Variants in DCBLD2 observed in about 807,000 individuals in gnomAD.
The protein encoded by DCBLD2 is discoidin, CUB and LCCL domain containing 2.
Under a neutral mutation model 86.8 loss-of-function variants are expected in DCBLD2, and 54 were observed. The ratio of observed to expected loss-of-function variants is 0.62; its 90% CI spans 0.50 to 0.78. The LOEUF is 0.78. Ranked by LOEUF, DCBLD2 falls within the 30% of genes least tolerant of loss-of-function variation. The pLI is 0.00. For synonymous variants in DCBLD2, 354 were observed against 341.3 expected, an observed-to-expected ratio of 1.04 and a Z score of -0.41; for missense variants, 908 against 954.2, an observed-to-expected ratio of 0.95 and a Z score of 0.64.
At chr3:98,892,375 C>A (rs1943677919) in intron 1 of DCBLD2, among the ~76,000 whole-genome samples, 1 of 152,082 alleles carries the variant, frequency 6.6e-6, no homozygotes, top group South Asian at 2.1e-4. Context: ...CTGCCTTATC[C>A]TTCTCTGGAA....
chr3:98,868,335 G>A (rs1943197364), intron 2 of DCBLD2, among the ~76,000 whole-genome samples: 1 of 152,138 alleles, frequency 6.6e-6, no homozygotes, highest in Non-Finnish European at 1.5e-5. Context: ...ATCTAGAAAA[G>A]TTAGAGATGG....
rs569311077 is a variant in DCBLD2, at chr3:98,831,738, G to GAA, written c.572-6373_572-6372insTT. Among the ~76,000 whole-genome samples the GAA allele has an allele frequency of 2.2e-3, 335 of 152,194 alleles. 3 individuals carry two copies. Among genetic ancestry groups the GAA allele is most frequent in the African/African-American group, 7.6e-3 (316 of 41,538 alleles). On this transcript the variant is annotated intron_variant, in intron 3 of 15. Transcript: ENST00000326840. ...CAAAGTTATTCTGGAGCATTTCCAT[G>GAA]TAATTGCATGGTTTTGAGCCATTTT...
intron 2 of DCBLD2, among the ~76,000 whole-genome samples, chr3:98,877,883 G>A (rs535051939): frequency 1.3e-5 from 2 of 152,218 alleles, no homozygotes; most frequent in Non-Finnish European, 2.9e-5. Flanking sequence ...GGCTCCCACT[G>A]GAGATTTGGG....
intron 3 of DCBLD2, among the ~76,000 whole-genome samples, chr3:98,830,667 A>G (rs1942304042): frequency 6.6e-6 from 1 of 152,200 alleles, no homozygotes; most frequent in Non-Finnish European, 1.5e-5. Flanking sequence ...AAGTCAGGTA[A>G]TATGACTCCT....
chr3:98,884,722 A>T (rs1254906426), intron 1 of DCBLD2, among the ~76,000 whole-genome samples: 1 of 152,140 alleles, frequency 6.6e-6, no homozygotes, highest in African/African-American at 2.4e-5. Flanking sequence ...CTCAAAATAT[A>T]AATGCACGTT....
intron 13 of DCBLD2, among the ~76,000 whole-genome samples, chr3:98,807,746 T>G (rs1941865989): frequency 6.6e-6 from 1 of 152,168 alleles, no homozygotes; most frequent in Non-Finnish European, 1.5e-5. Flanking sequence ...CCACATGATA[T>G]AGTTCCTTGT....
intron 2 of DCBLD2, among the ~76,000 whole-genome samples, chr3:98,850,175 T>C (rs1027093492): frequency 3.9e-5 from 6 of 152,200 alleles, no homozygotes; most frequent in Non-Finnish European, 1.5e-5. Context: ...CAGATGCATA[T>C]ATAAAACTGT....
Position 98,811,030 on chromosome 3 carries a change from T to C in DCBLD2, c.1576+164A>G, listed in dbSNP as rs566884867. Among the ~76,000 whole-genome samples, 11 of 152,276 alleles carry C rather than the reference T, an allele frequency of 7.2e-5. No homozygotes were observed. The East Asian group carries it at 2.1e-3, about 29-fold the overall frequency. On this transcript the variant is annotated intron_variant, in intron 12 of 15. Coordinates refer to ENST00000326840, the MANE Select transcript of DCBLD2 (RefSeq NM_080927.4). The stretch of plus-strand genomic sequence containing the variant: ...ATGGCAGCAGAGACTACAACTTAGA[T>C]CAATGCAGTCTTTTCCTATGAAAGA...
In DCBLD2 at chr3:98,855,038, C is replaced by A. The variant is rs142370874; in HGVS notation, c.434-5440G>T. Among the ~76,000 whole-genome samples, 319 of 152,126 alleles carry A rather than the reference C, an allele frequency of 2.1e-3. 1 individual carries two copies. The highest frequency in any genetic ancestry group is 4.6e-3 in the South Asian group (22 of 4,820). On this transcript the variant is annotated intron_variant, in intron 2 of 15. Transcript: ENST00000326840. Reference sequence around the variant, plus strand: ...ATTAACGTTTATTTATCATAAGATACCAGTAAGGGAGTAAAATGGCAGCCC... The same window carrying A: ...ATTAACGTTTATTTATCATAAGATAACAGTAAGGGAGTAAAATGGCAGCCC...
intron 1 of DCBLD2, among the ~76,000 whole-genome samples, chr3:98,900,047 G>A (rs1032547244): frequency 7.2e-5 from 11 of 152,292 alleles, no homozygotes; most frequent in Non-Finnish European, 1.2e-4. Flanking sequence ...ATAGAAACGT[G>A]TCTAGATGTA....
intron 3 of DCBLD2, among the ~76,000 whole-genome samples, chr3:98,842,433 A>C (rs1315978455): frequency 2.6e-5 from 4 of 152,214 alleles, no homozygotes; most frequent in African/African-American, 9.6e-5. Flanking sequence ...AATTCTGTTA[A>C]GAGAAATTTA....
At chr3:98,863,080 GACAA>G (rs1943075676) in intron 2 of DCBLD2, among the ~76,000 whole-genome samples, 1 of 152,198 alleles carries the variant, frequency 6.6e-6, no homozygotes, top group African/African-American at 2.4e-5. Context: ...ACCAATAACA[GACAA>G]ACAGAGAGCC....
chr3:98,838,810 T>C (rs1277624945), intron 3 of DCBLD2, among the ~76,000 whole-genome samples: 1 of 152,096 alleles, frequency 6.6e-6, no homozygotes, highest in African/African-American at 2.4e-5. Context: ...CTCGGGAGGC[T>C]GAGGTTGGCG....
rs1356519416 is a variant in DCBLD2, at chr3:98,820,301, A to C, written c.831-13T>G. 2.1e-6 allele frequency: 3 copies of C among 1,458,724 alleles called. No individual in the cohort carries two copies. The highest frequency in any genetic ancestry group is 2.7e-6 in the Non-Finnish European group (3 of 1,105,552). The allele number at this position is 1,458,724 out of a possible 1,614,324, so 90.4% of individuals were successfully genotyped here. A position where few individuals can be genotyped will look rare whatever the true frequency, so the allele number is the denominator to read the frequency against. ...AGATAAGTGTCCCCTGAAAGAGAGA[A>C]GGGTTTTTTTTGGTGATACTCACAT... On this transcript the variant is annotated splice_polypyrimidine_tract_variant and intron_variant, in intron 6 of 15. Transcript: ENST00000326840.
intron 2 of DCBLD2, among the ~76,000 whole-genome samples, chr3:98,861,164 A>G (rs373525765): frequency 6.6e-6 from 1 of 152,252 alleles, no homozygotes; most frequent in Non-Finnish European, 1.5e-5. Flanking sequence ...CAATTCAACA[A>G]GAAGAGCTAA....
At chr3:98,859,816 C>A (rs1466943702) in intron 2 of DCBLD2, among the ~76,000 whole-genome samples, 1 of 152,160 alleles carries the variant, frequency 6.6e-6, no homozygotes, top group Non-Finnish European at 1.5e-5. Flanking sequence ...AATCAGAGCA[C>A]CTCTCCCCCC....
rs1941588782 is a variant in DCBLD2 at position 98,796,249 on chromosome 3, CACAAAA to C, written c.*3117_*3122del. 6.6e-6 allele frequency: 1 copy of C among 152,024 alleles called. No homozygotes were observed. Among genetic ancestry groups the C allele is most frequent in the Non-Finnish European group, 1.5e-5 (1 of 67,944 alleles). The allele number at this position is 152,024 out of a possible 1,614,324, so 9.4% of individuals were successfully genotyped here. ...CTTTTCCCAGTGCCACACACACACACACAAAAACAAAACAAAACAAAAAAAAACAGT... is the reference window on the plus strand; with the variant it reads ...CTTTTCCCAGTGCCACACACACACACACAAAACAAAACAAAAAAAAACAGT... On this transcript the variant is annotated 3_prime_UTR_variant, in exon 16 of 16. Transcript: ENST00000326840.
At chr3:98,872,385 C>G (rs1192964882) in intron 2 of DCBLD2, among the ~76,000 whole-genome samples, 1 of 152,210 alleles carries the variant, frequency 6.6e-6, no homozygotes, top group Non-Finnish European at 1.5e-5. Flanking sequence ...TCTCTCTGCA[C>G]AAGCCCCTTT....
intron 13 of DCBLD2, 74 bp downstream of exon 13, chr3:98,808,007 T>C (rs1941869862): frequency 3.0e-5 from 35 of 1,162,604 alleles, no homozygotes; most frequent in Non-Finnish European, 4.0e-5. Flanking sequence ...CAGGTAAACA[T>C]TTTCATCTTC....
Sources: allele counts gnomAD v4.1 joint callset (sites outside exome capture counted in the v4.1 genomes callset), GRCh38; gene constraint gnomAD v4.1.1; transcripts MANE v1.5; gene names NCBI Gene and HGNC (gene_info 2026-07-23, HGNC 2026-07-21).